Variants in PDE10A observed in about 807,000 individuals in gnomAD.
The protein encoded by PDE10A is phosphodiesterase 10A.
In PDE10A, 39 loss-of-function variants were observed where a neutral mutation model predicts 97.7. The ratio of observed to expected loss-of-function variants is 0.40; its 90% CI spans 0.31 to 0.52. The LOEUF is 0.52. Among genes scored for constraint, PDE10A ranks in the 20% least tolerant of loss-of-function variants. The pLI, the probability that PDE10A is intolerant of heterozygous loss-of-function variation, is 0.56. For synonymous variants in PDE10A, 371 were observed against 376.8 expected (o/e 0.98, Z 0.18); for missense variants, 731 against 1,047.8 (o/e 0.70, Z 4.17).
chr6:165,337,622 C>T (rs770397126), intron 20 of PDE10A, among the ~76,000 whole-genome samples: 1 of 152,154 alleles, frequency 6.6e-6, no homozygotes, highest in African/African-American at 2.4e-5. Flanking sequence ...TCACAGTCAT[C>T]AACTATTTAG....
chr6:165,758,493 A>AAGAAAGG, intron 1 of PDE10A, among the ~76,000 whole-genome samples: 1 of 124,852 alleles, frequency 8.0e-6, no homozygotes, highest in Non-Finnish European at 1.9e-5. Context: ...AAGGAGAAAG[A>AAGAAAGG]AGAAAGAAGA....
chr6:165,419,865 T>C (rs1402769296), intron 10 of PDE10A, among the ~76,000 whole-genome samples: 2 of 152,218 alleles, frequency 1.3e-5, no homozygotes, highest in South Asian at 2.1e-4. Flanking sequence ...TAGCATCTCA[T>C]ATAAAATGTA....
chr6:165,638,740 A>G (rs1033567000), intron 1 of PDE10A, among the ~76,000 whole-genome samples: 18 of 152,348 alleles, frequency 1.2e-4, no homozygotes, highest in African/African-American at 4.3e-4. Context: ...CAACACCCAC[A>G]TTGCATAATA....
intron 1 of PDE10A, among the ~76,000 whole-genome samples, chr6:165,723,757 T>A (rs1792222266): frequency 6.6e-6 from 1 of 152,260 alleles, no homozygotes. Flanking sequence ...ACGACATGAA[T>A]TCTGTTTCGG....
rs547664370 is a variant in PDE10A at position 165,507,390 on chromosome 6, G to A, written c.995-25047C>T. Among the ~76,000 whole-genome samples the A allele has an allele frequency of 9.2e-5, 14 of 152,158 alleles. No homozygotes were observed. The Middle Eastern group carries it at 0.01, about 111-fold the overall frequency. On this transcript the variant is annotated intron_variant, in intron 2 of 21. Coordinates refer to ENST00000539869, the MANE Select transcript of PDE10A (RefSeq NM_001385079.1). Reference sequence around the variant, plus strand: ...TGACTTCCTACTCCTTAGTTCTGTCGTGAGGATTAAATAAGCTAACACAGT... The same window carrying A: ...TGACTTCCTACTCCTTAGTTCTGTCATGAGGATTAAATAAGCTAACACAGT...
At chr6:165,747,289 G>T (rs2128454822) in intron 1 of PDE10A, among the ~76,000 whole-genome samples, 1 of 152,190 alleles carries the variant, frequency 6.6e-6, no homozygotes, top group South Asian at 2.1e-4. Flanking sequence ...AAGTGGTAGA[G>T]ATACATAGGC....
chr6:165,498,424 A>C (rs1023170955), intron 2 of PDE10A, among the ~76,000 whole-genome samples: 35 of 26,840 alleles, frequency 1.3e-3, no homozygotes, highest in African/African-American at 7.0e-3. Context: ...CCCTGTCTCC[A>C]AAAAAAAAAA....
At chr6:165,880,094 C>T (rs192679183) in intron 1 of PDE10A, among the ~76,000 whole-genome samples, 5 of 151,950 alleles carry the variant, frequency 3.3e-5, no homozygotes, top group Non-Finnish European at 7.4e-5. Flanking sequence ...TCCAGGGAAG[C>T]ATTTCTTTTT....
At chr6:165,713,311 A>G (rs1261634795) in intron 1 of PDE10A, among the ~76,000 whole-genome samples, 1 of 152,214 alleles carries the variant, frequency 6.6e-6, no homozygotes, top group Non-Finnish European at 1.5e-5. Context: ...AAATTTTCCC[A>G]ATTACCATGC....
At chr6:165,439,362 T>TA (rs2128242267) in intron 5 of PDE10A, among the ~76,000 whole-genome samples, 1 of 152,276 alleles carries the variant, frequency 6.6e-6, no homozygotes, top group South Asian at 2.1e-4. Context: ...AGGCTAGAGA[T>TA]AAAAACCACA....
chr6:165,393,578 G>C (rs943269879), intron 15 of PDE10A, among the ~76,000 whole-genome samples: 1 of 151,828 alleles, frequency 6.6e-6, no homozygotes, highest in Non-Finnish European at 1.5e-5. Context: ...ATTTTCAAAT[G>C]TCTTTGAAGT....
At chr6:165,654,285 C>A (rs1368060202) in intron 1 of PDE10A, among the ~76,000 whole-genome samples, 1 of 152,172 alleles carries the variant, frequency 6.6e-6, no homozygotes, top group Non-Finnish European at 1.5e-5. Flanking sequence ...TGTTCCTAGC[C>A]TCCCAGTTCC....
intron 1 of PDE10A, among the ~76,000 whole-genome samples, chr6:165,693,116 C>T (rs564985114): frequency 1.3e-5 from 2 of 152,096 alleles, no homozygotes; most frequent in Non-Finnish European, 2.9e-5. Context: ...TCTATGAATC[C>T]ATTTCCTGGA....
chr6:165,471,929 T>C (rs1163702622), intron 3 of PDE10A, among the ~76,000 whole-genome samples: 2 of 152,218 alleles, frequency 1.3e-5, no homozygotes, highest in East Asian at 1.9e-4. Flanking sequence ...TAACAGTCTC[T>C]TAATTTAATG....
intron 18 of PDE10A, among the ~76,000 whole-genome samples, chr6:165,359,345 C>G (rs2128191362): frequency 6.6e-6 from 1 of 152,172 alleles, no homozygotes; most frequent in South Asian, 2.1e-4. Flanking sequence ...TTTCAGCCTC[C>G]TTTTTTGAAG....
chr6:165,582,297 G>C (rs537558831), intron 1 of PDE10A, among the ~76,000 whole-genome samples: 1 of 152,076 alleles, frequency 6.6e-6, no homozygotes, highest in Non-Finnish European at 1.5e-5. Context: ...GAGGTAAGTG[G>C]AAATACAGGG....
intron 1 of PDE10A, among the ~76,000 whole-genome samples, chr6:165,676,386 A>G (rs1359425603): frequency 1.3e-5 from 2 of 152,230 alleles, no homozygotes; most frequent in Non-Finnish European, 2.9e-5. Context: ...TATAAAAGTA[A>G]ACATTTTCAA....
At chr6:165,726,763 C>T (rs1422776282) in intron 1 of PDE10A, among the ~76,000 whole-genome samples, 1 of 152,254 alleles carries the variant, frequency 6.6e-6, no homozygotes, top group African/African-American at 2.4e-5. Context: ...GACAGGCCAT[C>T]CTCTGCGGTT....
intron 1 of PDE10A, among the ~76,000 whole-genome samples, chr6:165,740,252 T>C (rs943719890): frequency 1.3e-5 from 2 of 152,056 alleles, no homozygotes; most frequent in Non-Finnish European, 2.9e-5. Flanking sequence ...AAATGTGACA[T>C]ATATTCACAT....
Sources: allele counts gnomAD v4.1 joint callset (sites outside exome capture counted in the v4.1 genomes callset), GRCh38; gene constraint gnomAD v4.1.1; transcripts MANE v1.5; gene names NCBI Gene and HGNC (gene_info 2026-07-23, HGNC 2026-07-21).